Variants in IL1RAPL2 observed in about 807,000 individuals in gnomAD.
IL1RAPL2 encodes the protein X-linked interleukin-1 receptor accessory protein-like 2.
IL1RAPL2 carries 3 observed loss-of-function variants against 44.1 expected under a neutral mutation model. The ratio of observed to expected loss-of-function variants is 0.07; its 90% CI spans 0.03 to 0.18. The LOEUF (loss-of-function observed/expected upper bound fraction) is 0.18, where lower values mean the gene tolerates loss of function less well. Ranked by LOEUF, IL1RAPL2 falls within the 10% of genes least tolerant of loss-of-function variation. The probability of loss-of-function intolerance (pLI) is 1.00; values close to 1 mark genes in which losing one functional copy is unlikely to be tolerated. For missense variants in IL1RAPL2, 391 were observed against 496.4 expected, an observed-to-expected ratio of 0.79 and a Z score of 2.02; for synonymous variants, 181 against 178.8, an observed-to-expected ratio of 1.01 and a Z score of -0.10.
chrX:104,827,272 C>T (rs1456942843), intron 2 of IL1RAPL2, among the ~76,000 whole-genome samples: 3 of 110,426 alleles, frequency 2.7e-5, no homozygotes, highest in Non-Finnish European at 5.7e-5. Flanking sequence ...GTGATTTTTC[C>T]TTTCCATATT....
intron 2 of IL1RAPL2, among the ~76,000 whole-genome samples, chrX:105,033,571 T>C (rs1433750485): frequency 8.9e-6 from 1 of 112,222 alleles, no homozygotes. Context: ...TTCTGGCTTG[T>C]AGAGTTTCTG....
intron 1 of IL1RAPL2, among the ~76,000 whole-genome samples, chrX:104,607,078 A>G (rs961330807): frequency 1.8e-5 from 2 of 111,722 alleles, no homozygotes; most frequent in South Asian, 3.8e-4. Flanking sequence ...CCTCGGGAAC[A>G]ACACCACACA....
chrX:104,749,974 G>T (rs1214591158), intron 2 of IL1RAPL2, among the ~76,000 whole-genome samples: 5 of 111,800 alleles, frequency 4.5e-5, no homozygotes, highest in African/African-American at 1.3e-4. Context: ...AGGCAAAATG[G>T]CTGACTGACT....
intron 6 of IL1RAPL2, among the ~76,000 whole-genome samples, chrX:105,500,203 A>G (rs1167082855): frequency 2.7e-5 from 3 of 111,212 alleles, no homozygotes; most frequent in African/African-American, 9.8e-5. Flanking sequence ...GTTGCTGTTC[A>G]ATGGGTATAG....
intron 6 of IL1RAPL2, among the ~76,000 whole-genome samples, chrX:105,485,187 G>T (rs1485010636): frequency 9.0e-6 from 1 of 111,213 alleles, no homozygotes; most frequent in Non-Finnish European, 1.9e-5. Flanking sequence ...AAATGTATTG[G>T]GCTTACACTG....
chrX:104,877,680 T>G (rs911866359), intron 2 of IL1RAPL2, among the ~76,000 whole-genome samples: 2 of 111,857 alleles, frequency 1.8e-5, no homozygotes, highest in African/African-American at 6.5e-5. Context: ...AGATTTACAA[T>G]GCAAACATCA....
At position 105,423,666 on chromosome X, in the gene IL1RAPL2, T is replaced by C. The variant is rs757632045; in HGVS notation, c.698-60647T>C. Reference sequence around the variant, plus strand: ...TTAAGACAAGTTAGTTGTTAAACTTTAGCCAAGGCAAAACCCCAATTCAGC... The same window carrying C: ...TTAAGACAAGTTAGTTGTTAAACTTCAGCCAAGGCAAAACCCCAATTCAGC... On this transcript the variant is annotated intron_variant, in intron 5 of 10. Coordinates refer to ENST00000372582, the MANE Select transcript of IL1RAPL2 (RefSeq NM_017416.2). Among the ~76,000 whole-genome samples, 184 of 111,351 alleles carry C rather than the reference T, an allele frequency of 1.7e-3. 1 individual carries two copies. Among genetic ancestry groups the C allele is most frequent in the Non-Finnish European group, 8.9e-4 (47 of 53,051 alleles).
At chrX:104,633,191 C>T (rs1476849636) in intron 1 of IL1RAPL2, among the ~76,000 whole-genome samples, 1 of 111,557 alleles carries the variant, frequency 9.0e-6, no homozygotes, top group East Asian at 2.8e-4. Flanking sequence ...GGGATGAAGT[C>T]CACTTGATCA....
intron 2 of IL1RAPL2, among the ~76,000 whole-genome samples, chrX:104,931,335 G>A (rs931278085): frequency 2.8e-5 from 3 of 107,014 alleles, no homozygotes; most frequent in East Asian, 2.9e-4. Context: ...TGTGAAGCAC[G>A]GGATTGCACT....
intron 1 of IL1RAPL2, among the ~76,000 whole-genome samples, chrX:104,579,496 A>G (rs1928303141): frequency 8.9e-6 from 1 of 112,044 alleles, no homozygotes; most frequent in South Asian, 3.7e-4. Flanking sequence ...ATGCAAGCTA[A>G]TGCAGGAACA....
At chrX:104,831,884 C>T (rs753190953) in intron 2 of IL1RAPL2, among the ~76,000 whole-genome samples, 6 of 111,923 alleles carry the variant, frequency 5.4e-5, no homozygotes, top group South Asian at 7.5e-4. Context: ...CCACATTTTC[C>T]GATCTCTTCT....
intron 5 of IL1RAPL2, among the ~76,000 whole-genome samples, chrX:105,402,008 G>C (rs560667630): frequency 1.5e-4 from 17 of 110,369 alleles, no homozygotes; most frequent in African/African-American, 5.6e-4. Context: ...GCCATTTGAA[G>C]AAAAATGCTC....
chrX:105,060,771 C>A (rs2032065225), intron 2 of IL1RAPL2, among the ~76,000 whole-genome samples: 1 of 109,092 alleles, frequency 9.2e-6, no homozygotes, highest in African/African-American at 3.3e-5. Context: ...ATGATTTAAT[C>A]TTGGTAGGTT....
chrX:105,274,669 T>C (rs2034472308), intron 5 of IL1RAPL2, among the ~76,000 whole-genome samples: 1 of 112,118 alleles, frequency 8.9e-6, no homozygotes, highest in East Asian at 2.8e-4. Flanking sequence ...AGAATAGTGC[T>C]TCTCAAATTG....
At chrX:105,473,984 A>T (rs1275996015) in intron 5 of IL1RAPL2, among the ~76,000 whole-genome samples, 2 of 111,423 alleles carry the variant, frequency 1.8e-5, no homozygotes, top group East Asian at 5.7e-4. Flanking sequence ...CACCCCAAAG[A>T]TGTCCATAAT....
chrX:105,293,380 G>T (rs998235789), intron 5 of IL1RAPL2, among the ~76,000 whole-genome samples: 1 of 111,598 alleles, frequency 9.0e-6, no homozygotes, highest in Non-Finnish European at 1.9e-5. Context: ...GTATCCCATG[G>T]TATACACATA....
intron 6 of IL1RAPL2, among the ~76,000 whole-genome samples, chrX:105,554,415 T>C (rs1386893787): frequency 8.9e-6 from 1 of 112,171 alleles, no homozygotes; most frequent in Non-Finnish European, 1.9e-5. Flanking sequence ...TGGTATTCTT[T>C]GTGGTTATTC....
intron 2 of IL1RAPL2, among the ~76,000 whole-genome samples, chrX:105,126,134 G>T (rs893902232): frequency 1.8e-5 from 2 of 110,816 alleles, no homozygotes; most frequent in African/African-American, 6.5e-5. Context: ...CTGGTTGTCT[G>T]TAATTTTCCT....
At chrX:104,630,174 G>T (rs762512547) in intron 1 of IL1RAPL2, among the ~76,000 whole-genome samples, 1 of 97,339 alleles carries the variant, frequency 1.0e-5, no homozygotes, top group African/African-American at 3.9e-5. Flanking sequence ...TTGAGACGTA[G>T]TCTCACTCTG....
Sources: gnomAD v4.1 joint callset for allele counts (sites outside exome capture counted in the v4.1 genomes callset) on GRCh38, gnomAD v4.1.1 for gene constraint, MANE v1.5 for transcripts, NCBI Gene and HGNC (gene_info 2026-07-23, HGNC 2026-07-21) for gene names.